EIF4ENIF1: variants seen among roughly 807,000 people sequenced by gnomAD.
The protein encoded by EIF4ENIF1 is eukaryotic translation initiation factor 4E nuclear import factor 1, also known as eukaryotic translation initiation factor 4E transporter.
Under a neutral mutation model 110.5 loss-of-function variants are expected in EIF4ENIF1, and 23 were observed. The ratio of observed to expected loss-of-function variants is 0.21; its 90% confidence interval spans 0.15 to 0.29. EIF4ENIF1 has a LOEUF of 0.29. Among genes scored for constraint, EIF4ENIF1 ranks in the 10% least tolerant of loss-of-function variants. The probability of loss-of-function intolerance (pLI) is 1.00; values close to 1 mark genes in which losing one functional copy is unlikely to be tolerated. For missense variants in EIF4ENIF1, 1,031 were observed against 1,221.1 expected, an observed-to-expected ratio of 0.84 and a Z score of 2.32; for synonymous variants, 440 against 437.0, an observed-to-expected ratio of 1.01 and a Z score of -0.09.
chr22:31,445,962 C>A (rs536336087), intron 14 of EIF4ENIF1, among the ~76,000 whole-genome samples: 21 of 148,704 alleles, frequency 1.4e-4, no homozygotes, highest in South Asian at 4.5e-4. Flanking sequence ...CGCCCCCCCC[C>A]CCCATCTACC....
At position 31,488,692 on chromosome 22, in the gene EIF4ENIF1, T is replaced by A; in HGVS notation, c.27A>T (p.Thr9=). MDRRSMGE[T]ESGDAFLDLK... Reference sequence around the variant, plus strand: ...GGTCAAGGAAAGCATCTCCACTTTCTGTTTCACCCATACTTCTCCTATCCA... The same window carrying A: ...GGTCAAGGAAAGCATCTCCACTTTCAGTTTCACCCATACTTCTCCTATCCA... The change falls in exon 2 of 19, where the codon ACA becomes ACT. Residue 9 remains threonine (T), a synonymous_variant. Coordinates refer to ENST00000330125, the MANE Select transcript of EIF4ENIF1 (RefSeq NM_019843.4). The A allele has an allele frequency of 6.2e-7, 1 of 1,614,170 alleles. No individual in the cohort carries two copies.
At chr22:31,449,859 G>A (rs901036572) in intron 11 of EIF4ENIF1, among the ~76,000 whole-genome samples, 6 of 151,714 alleles carry the variant, frequency 4.0e-5, no homozygotes, top group African/African-American at 1.5e-4. Flanking sequence ...GCCTCCTAAG[G>A]AGTTGGGATT....
intron 6 of EIF4ENIF1, among the ~76,000 whole-genome samples, chr22:31,460,684 C>T (rs1428944579): frequency 1.3e-5 from 2 of 150,932 alleles, no homozygotes; most frequent in Admixed American, 6.6e-5. Context: ...CAGTGGCTCA[C>T]GCCTGTAATC....
At chr22:31,480,418 A>G (rs542358247) in intron 2 of EIF4ENIF1, among the ~76,000 whole-genome samples, 1 of 152,216 alleles carries the variant, frequency 6.6e-6, no homozygotes, top group Non-Finnish European at 1.5e-5. Flanking sequence ...TTCTGACATT[A>G]TGTAGAATTT....
At chr22:31,441,303 C>T (rs573334575) in intron 17 of EIF4ENIF1, among the ~76,000 whole-genome samples, 8 of 151,718 alleles carry the variant, frequency 5.3e-5, no homozygotes, top group East Asian at 1.9e-4. Context: ...TTTGGGAGGC[C>T]GATGTGGGTG....
At chr22:31,447,652 G>A (rs1025808576) in intron 13 of EIF4ENIF1, 87 bp from the exon 14 acceptor site, 5 of 1,443,648 alleles carry the variant, frequency 3.5e-6, no homozygotes, top group Non-Finnish European at 4.6e-6. Context: ...AGAAAGGTAT[G>A]TTAAGCAGAA....
At chr22:31,468,024 G>T in intron 4 of EIF4ENIF1, 151 bp downstream of exon 4, 1 of 1,125,258 alleles carries the variant, frequency 8.9e-7, no homozygotes, top group East Asian at 2.5e-5. Flanking sequence ...ACTTTACCCT[G>T]CTGATTAGGA....
intron 1 of EIF4ENIF1, chr22:31,489,440 G>A (rs2052177421): frequency 6.6e-6 from 1 of 151,812 alleles, no homozygotes; most frequent in Admixed American, 6.6e-5. Flanking sequence ...TCCCGGCCCG[G>A]GCGCTTCAAG....
chr22:31,456,270 C>G (rs1048697126), intron 7 of EIF4ENIF1, among the ~76,000 whole-genome samples: 1 of 146,868 alleles, frequency 6.8e-6, no homozygotes, highest in Non-Finnish European at 1.5e-5. Flanking sequence ...GTCACCCAGG[C>G]TGGAGTGCAG....
At chr22:31,461,111 A>C (rs1215526086) in intron 6 of EIF4ENIF1, among the ~76,000 whole-genome samples, 1 of 152,222 alleles carries the variant, frequency 6.6e-6, no homozygotes, top group Non-Finnish European at 1.5e-5. Flanking sequence ...TCAATGCTAA[A>C]GGTAACCCTT....
intron 4 of EIF4ENIF1, among the ~76,000 whole-genome samples, chr22:31,467,778 G>T (rs2051239703): frequency 6.6e-6 from 1 of 151,272 alleles, no homozygotes; most frequent in African/African-American, 2.4e-5. Flanking sequence ...AGGCAACAGA[G>T]CAAGACTCCG....
intron 15 of EIF4ENIF1, 106 bp from the exon 16 acceptor site, chr22:31,443,200 T>C: frequency 6.8e-7 from 1 of 1,465,018 alleles, no homozygotes; most frequent in East Asian, 2.4e-5. Context: ...CCCACATTGG[T>C]AGCATAGGCC....
chr22:31,471,147 T>C (rs1229545905), intron 3 of EIF4ENIF1, among the ~76,000 whole-genome samples: 5 of 151,784 alleles, frequency 3.3e-5, no homozygotes, highest in Admixed American at 2.6e-4. Context: ...TGAGGGAAAC[T>C]AGGATGAAAT....
At chr22:31,478,311 A>G (rs1349276586) in intron 2 of EIF4ENIF1, among the ~76,000 whole-genome samples, 1 of 152,018 alleles carries the variant, frequency 6.6e-6, no homozygotes, top group Non-Finnish European at 1.5e-5. Context: ...TCAGGAGTTC[A>G]TGAGCAGCCT....
At position 31,443,088 on chromosome 22, in the gene EIF4ENIF1, G is replaced by T. The variant is rs2050354843; in HGVS notation, c.2080C>A (p.Pro694Thr). The change falls in exon 16 of 19, where the codon CCT becomes ACT. Residue 694 changes from proline (P) to threonine (T), a missense_variant. By Grantham distance (38) the Pro-to-Thr change is conservative. Transcript: ENST00000330125. ...ATCACTGAGGTAGGGGTAAAGGAAG[G>T]AGAAAGCTGCAGAGAAAAACAATTG... ...PAASITSMLS[P>T]SFTPTSVIRK... 1 of 1,613,868 alleles carries T rather than the reference G, an allele frequency of 6.2e-7. No individual in the cohort carries two copies. The highest frequency in any genetic ancestry group is 2.2e-5 in the East Asian group (1 of 44,874).
At chr22:31,446,695 G>T (rs745682379) in intron 14 of EIF4ENIF1, among the ~76,000 whole-genome samples, 1 of 152,244 alleles carries the variant, frequency 6.6e-6, no homozygotes, top group South Asian at 2.1e-4. Context: ...AGGAAAAGGG[G>T]TATTACTGGC....
At chr22:31,476,184 T>C (rs1369168593) in intron 2 of EIF4ENIF1, among the ~76,000 whole-genome samples, 1 of 152,190 alleles carries the variant, frequency 6.6e-6, no homozygotes, top group Non-Finnish European at 1.5e-5. Flanking sequence ...TACTACCCCA[T>C]GCAGATACTA....
At position 31,463,020 on chromosome 22, in the gene EIF4ENIF1, G is replaced by A. The variant is rs143956973; in HGVS notation, c.699C>T (p.Ile233=). The change falls in exon 6 of 19, where the codon ATC becomes ATT. Residue 233 remains isoleucine (I), a synonymous_variant. Transcript: ENST00000330125. ...TCTTATCATCAAAGCCAGTCAGTTC[G>A]ATGGTTTCAGACTGACTTGTGGGTC... ...SAGPTSQSET[I]ELTGFDDKIL... 1.4e-5 allele frequency: 23 copies of A among 1,614,052 alleles called. No homozygotes were observed. In the African/African-American group the frequency reaches 1.7e-4, roughly 12 times the overall value.
chr22:31,481,949 C>T (rs1439800981), intron 2 of EIF4ENIF1, among the ~76,000 whole-genome samples: 4 of 151,914 alleles, frequency 2.6e-5, no homozygotes, highest in South Asian at 4.2e-4. Context: ...GCAGGAGGAT[C>T]GCTTGAGGTC....
Sources: allele counts gnomAD v4.1 joint callset (sites outside exome capture counted in the v4.1 genomes callset), GRCh38; gene constraint gnomAD v4.1.1; transcripts MANE v1.5; gene names NCBI Gene and HGNC (gene_info 2026-07-23, HGNC 2026-07-21).